The following SLC24A4 variants were observed in gnomAD, a reference collection of about 807,000 sequenced individuals.
The protein encoded by SLC24A4 is sodium/potassium/calcium exchanger 4.
SLC24A4 carries 53 observed loss-of-function variants against 79.0 expected under a neutral mutation model. The observed-to-expected ratio is 0.67, with a 90% CI of 0.54 to 0.84. The LOEUF (loss-of-function observed/expected upper bound fraction) is 0.84. SLC24A4 is among the 40% of genes least tolerant of loss of function. The pLI, the probability that SLC24A4 is intolerant of heterozygous loss-of-function variation, is 0.00. For synonymous variants in SLC24A4, 323 were observed against 323.8 expected (o/e 1.00, Z 0.03); for missense variants, 731 against 822.0 (o/e 0.89, Z 1.35).
intron 2 of SLC24A4, among the ~76,000 whole-genome samples, chr14:92,429,228 A>C (rs1227418488): frequency 1.3e-5 from 2 of 152,140 alleles, no homozygotes; most frequent in Non-Finnish European, 2.9e-5. Flanking sequence ...GGGAGGGGTG[A>C]TTACAAAAAG....
At chr14:92,408,620 C>A (rs1890536026) in intron 2 of SLC24A4, among the ~76,000 whole-genome samples, 1 of 152,050 alleles carries the variant, frequency 6.6e-6, no homozygotes, top group Admixed American at 6.6e-5. Flanking sequence ...CTTTTTTCAG[C>A]CTCAGTTTTC....
intron 2 of SLC24A4, among the ~76,000 whole-genome samples, chr14:92,429,885 C>T (rs1224560383): frequency 1.3e-5 from 2 of 152,210 alleles, no homozygotes; most frequent in Non-Finnish European, 2.9e-5. Context: ...TTGATGTGGG[C>T]ATCACCCTCT....
At chr14:92,448,345 T>TACACACACACACACACACACAC (rs71877757) in intron 9 of SLC24A4, among the ~76,000 whole-genome samples, 4,668 of 131,896 alleles carry the variant, frequency 0.035, 190 homozygotes, top group East Asian at 0.051. Context: ...TCCCACTACA[T>TACACACACACACACACACACAC]ACACACACAC....
intron 2 of SLC24A4, among the ~76,000 whole-genome samples, chr14:92,343,590 T>C (rs1886297173): frequency 8.2e-6 from 1 of 121,396 alleles, no homozygotes; most frequent in Non-Finnish European, 1.8e-5. Flanking sequence ...TTTTCTTTCT[T>C]TCTTTCTTTC....
chr14:92,477,784 CTT>C (rs34635349), intron 12 of SLC24A4, among the ~76,000 whole-genome samples: 80,411 of 124,888 alleles, frequency 0.64, 25,373 homozygotes, highest in Middle Eastern at 0.75. Context: ...TTTCTTTTCT[CTT>C]TTTTTTTTTT....
In SLC24A4 at chr14:92,474,863, A is replaced by ATATATATATATATT. The variant is rs36185636; in HGVS notation, c.1256-7816_1256-7815insATATATATATATTT. On this transcript the variant is annotated intron_variant, in intron 12 of 16. Coordinates refer to ENST00000532405, the MANE Select transcript of SLC24A4 (RefSeq NM_153646.4). ...TGTGTGTATATATATATATATATATATTTTTTTTTTTTTTAGTAGACACAG... is the reference window on the plus strand; with the variant it reads ...TGTGTGTATATATATATATATATATATATATATATATATTTTTTTTTTTTTTTTAGTAGACACAG... Among the ~76,000 whole-genome samples, 41 of 57,106 alleles carry ATATATATATATATT rather than the reference A, an allele frequency of 7.2e-4. 1 individual carries two copies. Among genetic ancestry groups the ATATATATATATATT allele is most frequent in the East Asian group, 1.4e-3 (3 of 2,120 alleles). 37.5% of individuals were successfully genotyped at this position (57,106 alleles called of 152,430 possible).
rs1291580585 is a variant in SLC24A4, at chr14:92,343,191, A to G, written c.241+17213A>G. On this transcript the variant is annotated intron_variant, in intron 2 of 16. Coordinates refer to ENST00000532405, the MANE Select transcript of SLC24A4 (RefSeq NM_153646.4). ...AAGTGACAGATGCAACCCTGAAATG[A>G]CATAGCAGACCCAATTCCCCATTGT... 3.3e-5 allele frequency among the ~76,000 whole-genome samples: 5 copies of G among 152,254 alleles called. No homozygotes were observed. The East Asian group carries it at 9.6e-4, about 29-fold the overall frequency.
At chr14:92,383,239 G>C (rs1204990581) in intron 2 of SLC24A4, among the ~76,000 whole-genome samples, 1 of 152,188 alleles carries the variant, frequency 6.6e-6, no homozygotes, top group Non-Finnish European at 1.5e-5. Flanking sequence ...CTGGAAGTAA[G>C]ATATGGGGCA....
At chr14:92,326,188 G>A (rs555007194) in intron 2 of SLC24A4, among the ~76,000 whole-genome samples, 1 of 152,344 alleles carries the variant, frequency 6.6e-6, no homozygotes, top group Admixed American at 6.5e-5. Flanking sequence ...TCCAGCAACT[G>A]AAAAGGTCAC....
intron 2 of SLC24A4, among the ~76,000 whole-genome samples, chr14:92,330,517 A>G (rs917788929): frequency 3.3e-5 from 5 of 152,210 alleles, no homozygotes; most frequent in Admixed American, 1.3e-4. Context: ...TCCATGCCAC[A>G]TGTATGATGT....
In SLC24A4 at chr14:92,439,341, T is replaced by C. The variant is rs762767456; in HGVS notation, c.325T>C (p.Tyr109His). 2 of 1,611,920 alleles carry C rather than the reference T, an allele frequency of 1.2e-6. No individual in the cohort carries two copies. The highest frequency in any genetic ancestry group is 2.7e-5 in the African/African-American group (2 of 74,870). The part of the protein sequence containing the change: ...AVLLHILGAL[Y>H]MFYALAIVCD... ...TCTCCTCTCTCCTTTGCAGGCTCTG[T>C]ATATGTTCTATGCCTTGGCCATAGT... Residue 109 changes from tyrosine to histidine, a missense_variant, in exon 4 of 17, where the codon TAT becomes CAT. Physicochemically the swap from Tyr to His is moderately conservative, Grantham distance 83. Transcript: ENST00000532405.
At position 92,490,730 on chromosome 14, in the gene SLC24A4, G is replaced by A. The variant is rs1458431630; in HGVS notation, c.1538-935G>A. ...GGTAGCTGGGAACATGAAGTGAGGC[G>A]CAGTGGCCGGGAGTCCTCATAGAAC... On this transcript the variant is annotated intron_variant, in intron 14 of 16. Coordinates refer to ENST00000532405, the MANE Select transcript of SLC24A4 (RefSeq NM_153646.4). This position sits in a 1 kb window ranked among gnomAD's most constrained non-coding sequence, Gnocchi z 4.3. 6.6e-6 allele frequency among the ~76,000 whole-genome samples: 1 copy of A among 152,086 alleles called. No individual in the cohort carries two copies.
At chr14:92,328,886 C>T (rs138453644) in intron 2 of SLC24A4, among the ~76,000 whole-genome samples, 52 of 152,344 alleles carry the variant, frequency 3.4e-4, no homozygotes, top group African/African-American at 1.1e-3. Context: ...ACCTGGGAAT[C>T]GGCGAGGTTG....
At chr14:92,449,243 AGAAATGTGTCCTG>A in intron 10 of SLC24A4, 27 bp downstream of exon 10, 2 of 1,608,852 alleles carry the variant, frequency 1.2e-6, no homozygotes, top group South Asian at 2.2e-5. Flanking sequence ...AGGAGTGGGC[AGAAATGTGTCCTG>A]GAAGCCACTC....
intron 2 of SLC24A4, among the ~76,000 whole-genome samples, chr14:92,413,052 G>A (rs1034815963): frequency 2.6e-5 from 4 of 152,330 alleles, no homozygotes; most frequent in South Asian, 2.1e-4. Flanking sequence ...CAGCGGCAGC[G>A]TTGAATAGTT....
intron 10 of SLC24A4, 47 bp from the exon 11 acceptor site, chr14:92,453,853 G>T: frequency 6.5e-7 from 1 of 1,530,858 alleles, no homozygotes; most frequent in Non-Finnish European, 8.8e-7. Context: ...GCACTTGGGT[G>T]TTGTCCTCAG....
intron 2 of SLC24A4, among the ~76,000 whole-genome samples, chr14:92,382,874 G>T (rs756822924): frequency 1.1e-4 from 17 of 152,222 alleles, no homozygotes; most frequent in Non-Finnish European, 7.3e-5. Flanking sequence ...CAGGAATGCA[G>T]CTCTTCTAGG....
At position 92,493,660 on chromosome 14, in the gene SLC24A4, G is replaced by C; in HGVS notation, c.*32G>C. 1 of 1,609,914 alleles carries C rather than the reference G, an allele frequency of 6.2e-7. No individual in the cohort carries two copies. The highest frequency in any genetic ancestry group is 1.3e-5 in the African/African-American group (1 of 74,986). On this transcript the variant is annotated 3_prime_UTR_variant, in exon 17 of 17. Coordinates refer to ENST00000532405, the MANE Select transcript of SLC24A4 (RefSeq NM_153646.4). Reference sequence around the variant, plus strand: ...GTCGCGGCCCCTGGGAGCTGATCTGGACACCCTGTGACACTGGCGTTCTCC... The same window carrying C: ...GTCGCGGCCCCTGGGAGCTGATCTGCACACCCTGTGACACTGGCGTTCTCC...
Position 92,456,554 on chromosome 14 carries a change from C to T in SLC24A4, c.1201C>T (p.Pro401Ser). Residue 401 changes from proline (P) to serine (S), a missense_variant, in exon 12 of 17, where the codon CCG becomes TCG. By Grantham distance (74) the Pro-to-Ser change is moderately conservative. Coordinates refer to ENST00000532405, the MANE Select transcript of SLC24A4 (RefSeq NM_153646.4). ...QEQQPPPQPP[P>S]PEPEPVEADF... ...GCAGCAGCCGCCGCCACAGCCACCA[C>T]CGCCAGAGCCAGAGCCGGTGGAGGC... 5.0e-6 allele frequency: 8 copies of T among 1,613,096 alleles called. No individual in the cohort carries two copies. The highest frequency in any genetic ancestry group is 6.8e-6 in the Non-Finnish European group (8 of 1,179,110).
Sources: gnomAD v4.1 joint callset for allele counts (sites outside exome capture counted in the v4.1 genomes callset) on GRCh38, gnomAD v4.1.1 for gene constraint, Gnocchi (gnomAD v3.1) non-coding constraint, MANE v1.5 for transcripts, NCBI Gene and HGNC (gene_info 2026-07-23, HGNC 2026-07-21) for gene names.